DIS3L2: variants seen among roughly 807,000 people sequenced by gnomAD.
DIS3L2 encodes DIS3-like exonuclease 2.
DIS3L2 carries 34 observed loss-of-function variants against 97.5 expected under a neutral mutation model. The ratio of observed to expected loss-of-function variants is 0.35; its 90% CI spans 0.27 to 0.46. DIS3L2 has a LOEUF of 0.46. Ranked by LOEUF, DIS3L2 falls within the 20% of genes least tolerant of loss-of-function variation. DIS3L2 has a pLI of 1.00. For missense variants in DIS3L2, 1,038 were observed against 1,146.0 expected (o/e 0.91, Z 1.36); for synonymous variants, 435 against 445.2 (o/e 0.98, Z 0.29).
intron 1 of DIS3L2, among the ~76,000 whole-genome samples, chr2:231,995,601 A>G (rs1049576895): frequency 1.3e-5 from 2 of 152,162 alleles, no homozygotes; most frequent in Non-Finnish European, 2.9e-5. Flanking sequence ...GCGGCTTTAA[A>G]CCACTCTTGA....
chr2:232,252,123 A>G (rs1574973005), intron 12 of DIS3L2, among the ~76,000 whole-genome samples: 2 of 152,288 alleles, frequency 1.3e-5, no homozygotes, highest in South Asian at 4.1e-4. Flanking sequence ...AGAAGATGCT[A>G]AGTGCCAGGT....
intron 5 of DIS3L2, among the ~76,000 whole-genome samples, chr2:232,078,000 TC>T (rs1559602334): frequency 6.3e-5 from 9 of 143,870 alleles, no homozygotes; most frequent in Admixed American, 2.2e-4. Context: ...TTTCTTTCTT[TC>T]TTTCTTTCTT....
intron 5 of DIS3L2, among the ~76,000 whole-genome samples, chr2:232,084,488 T>G (rs923750850): frequency 1.3e-5 from 2 of 152,210 alleles, no homozygotes; most frequent in African/African-American, 4.8e-5. Flanking sequence ...TTTTGGATTT[T>G]CAGATTAGGG....
intron 6 of DIS3L2, among the ~76,000 whole-genome samples, chr2:232,110,148 G>T (rs1448895810): frequency 6.6e-6 from 1 of 152,212 alleles, no homozygotes; most frequent in East Asian, 1.9e-4. Context: ...GAACCACAAT[G>T]AGATACCATC....
In DIS3L2 at chr2:232,136,549, A is replaced by G. The variant is rs2106355380; in HGVS notation, c.780A>G (p.Glu260=). The change falls in exon 8 of 21, where the codon GAA becomes GAG. Residue 260 remains glutamate (E), a synonymous_variant. Coordinates refer to ENST00000325385, the MANE Select transcript of DIS3L2 (RefSeq NM_152383.5). ...AACTCTTGGCTGATAAGAACAGCGA[A>G]CTGTTTAGGAAATACGCCCTGTTTT... ...FLKLLADKNS[E]LFRKYALFSP... The G allele has an allele frequency of 6.2e-7, 1 of 1,614,118 alleles. No individual in the cohort carries two copies. Among genetic ancestry groups the G allele is most frequent in the Non-Finnish European group, 8.5e-7 (1 of 1,179,964 alleles).
At chr2:232,261,227 A>G (rs372088627) in intron 12 of DIS3L2, among the ~76,000 whole-genome samples, 2 of 151,220 alleles carry the variant, frequency 1.3e-5, no homozygotes, top group African/African-American at 2.4e-5. Context: ...CTTCCTCCCC[A>G]CCAGGCTGGG....
At chr2:232,024,494 T>C (rs563905798) in intron 4 of DIS3L2, among the ~76,000 whole-genome samples, 164 bp downstream of exon 4, 1 of 152,336 alleles carries the variant, frequency 6.6e-6, no homozygotes, top group South Asian at 2.1e-4. Flanking sequence ...TTCTTTTGGT[T>C]AACAACCCCT....
At chr2:232,159,103 C>A (rs1690578804) in intron 8 of DIS3L2, among the ~76,000 whole-genome samples, 1 of 152,026 alleles carries the variant, frequency 6.6e-6, no homozygotes, top group African/African-American at 2.4e-5. Context: ...TGGTTACAAG[C>A]AAGAAAAACC....
intron 10 of DIS3L2, among the ~76,000 whole-genome samples, chr2:232,227,058 G>A (rs906785713): frequency 1.3e-5 from 2 of 152,078 alleles, no homozygotes; most frequent in African/African-American, 4.8e-5. Context: ...CTCAGAAATA[G>A]AAAGTGACCA....
At chr2:232,043,946 A>G (rs573879424) in intron 5 of DIS3L2, among the ~76,000 whole-genome samples, 7 of 152,328 alleles carry the variant, frequency 4.6e-5, no homozygotes, top group East Asian at 1.9e-4. Context: ...GGGCATATAC[A>G]TAGCTGTCTT....
chr2:232,273,291 T>C (rs950341081), intron 13 of DIS3L2, among the ~76,000 whole-genome samples: 3 of 152,194 alleles, frequency 2.0e-5, no homozygotes, highest in African/African-American at 7.2e-5. Context: ...TGTGAGTTTC[T>C]TAAGGGTAAA....
In DIS3L2 at chr2:232,238,590, C is replaced by G. The variant is rs757907424; in HGVS notation, c.1262C>G (p.Ser421Cys). ...ADVSYFVPEG[S>C]DLDKVAAERA... is the part of the protein sequence containing the mutation. ...GTGAGTTACTTTGTTCCGGAGGGAT[C>G]TGATCTGGATAAAGTGGCTGCCGAG... is the stretch of plus-strand genomic sequence containing the variant. Residue 421 changes from serine to cysteine, a missense_variant, in exon 11 of 21, where the codon TCT (serine) becomes TGT (cysteine). Ser to Cys is a moderately radical substitution (Grantham distance 112, BLOSUM62 -1). Transcript: ENST00000325385. The G allele has an allele frequency of 6.2e-7, 1 of 1,614,224 alleles. No individual in the cohort carries two copies.
At chr2:232,329,785 T>TCCCCGGGGGGGGGGGC in intron 14 of DIS3L2, 28 bp from the exon 15 acceptor site, 2 of 967,140 alleles carry the variant, frequency 2.1e-6, no homozygotes, top group Non-Finnish European at 1.5e-6. Flanking sequence ...ACCCCAGCGG[T>TCCCCGGGGGGGGGGGC]CCCTCCCATC....
intron 8 of DIS3L2, among the ~76,000 whole-genome samples, chr2:232,155,082 A>G (rs1690448766): frequency 6.7e-6 from 1 of 150,268 alleles, no homozygotes. Flanking sequence ...GAGCACACAC[A>G]CTGGCCTGCG....
chr2:232,270,860 G>GTCCCTCTCTCTCTCTCTCTCTCTCTCTC (rs1491319157), intron 13 of DIS3L2, among the ~76,000 whole-genome samples: 4 of 103,818 alleles, frequency 3.9e-5, no homozygotes, highest in Non-Finnish European at 6.0e-5. Flanking sequence ...TCTTTTTCTC[G>GTCCCTCTCTCTCTCTCTCTCTCTCTCTC]TCTCTCTCTC....
intron 7 of DIS3L2, among the ~76,000 whole-genome samples, chr2:232,134,553 A>T (rs931964286): frequency 6.6e-6 from 1 of 152,148 alleles, no homozygotes; most frequent in African/African-American, 2.4e-5. Context: ...GGCCGGATGC[A>T]GTGGCTCACG....
Position 232,333,860 on chromosome 2 carries a change from G to A in DIS3L2, c.2031G>A (p.Ser677=), listed in dbSNP as rs370261055. 2.0e-5 allele frequency: 33 copies of A among 1,612,282 alleles called. No individual in the cohort carries two copies. In the African/African-American group the frequency reaches 3.5e-4, roughly 17 times the overall value. The change falls in exon 17 of 21, where the codon TCG becomes TCA. Residue 677 remains serine (S), a synonymous_variant. Transcript: ENST00000325385. ...RPMQMALYFC[S]GLLQDPAQFR... is the part of the protein sequence containing the mutation. ...CGCAGATGGCACTGTACTTCTGCTC[G>A]GGGCTGCTGCAGGACCCAGCGCAGT...
rs940565729 is a variant in DIS3L2 at position 232,292,293 on chromosome 2, T to C, written c.1660-7747T>C. ...CCCCTAAGTTCTCCCTAAAGTGCCA[T>C]CCCCAAGCAGCAATAATCTGAGCAG... On this transcript the variant is annotated intron_variant, in intron 13 of 20. Transcript: ENST00000325385. This position sits in a 1 kb window ranked among gnomAD's most constrained non-coding sequence, Gnocchi z 4.4. 2.0e-5 allele frequency among the ~76,000 whole-genome samples: 3 copies of C among 152,098 alleles called. No homozygotes were observed. Among genetic ancestry groups the C allele is most frequent in the Non-Finnish European group, 2.9e-5 (2 of 68,008 alleles).
At chr2:232,091,741 A>T (rs1046186650) in intron 6 of DIS3L2, among the ~76,000 whole-genome samples, 18 of 152,148 alleles carry the variant, frequency 1.2e-4, no homozygotes, top group Non-Finnish European at 2.4e-4. Flanking sequence ...CTCCATACTG[A>T]TTATACTAAT....
Sources: allele counts gnomAD v4.1 joint callset (sites outside exome capture counted in the v4.1 genomes callset), GRCh38; gene constraint gnomAD v4.1.1; non-coding constraint Gnocchi (gnomAD v3.1); transcripts MANE v1.5; gene names NCBI Gene and HGNC (gene_info 2026-07-23, HGNC 2026-07-21).